Variants in ZSCAN30 observed in about 807,000 individuals in gnomAD.
The protein encoded by ZSCAN30 is zinc finger and SCAN domain-containing protein 30.
ZSCAN30 carries 37 observed loss-of-function variants against 44.3 expected under a neutral mutation model. The observed-to-expected ratio is 0.84, with a 90% CI of 0.64 to 1.10. ZSCAN30 has a LOEUF of 1.10. Ranked by LOEUF, ZSCAN30 falls within the 50% of genes least tolerant of loss-of-function variation. ZSCAN30 has a pLI of 0.00. For missense variants in ZSCAN30, 549 were observed against 582.6 expected (o/e 0.94, Z 0.59); for synonymous variants, 181 against 204.6 (o/e 0.88, Z 0.98).
At chr18:35,263,264 G>GA in intron 3 of ZSCAN30, 1 of 446,080 alleles carries the variant, frequency 2.2e-6, no homozygotes, top group East Asian at 3.6e-5. Flanking sequence ...AAAGAAAAAA[G>GA]AAAAAGAAAA....
chr18:35,276,666 G>C (rs1335205734), intron 1 of ZSCAN30, among the ~76,000 whole-genome samples: 2 of 152,228 alleles, frequency 1.3e-5, no homozygotes, highest in East Asian at 3.8e-4. Context: ...CCTCTGCCTA[G>C]ATTTCAGAGG....
chr18:35,263,432 C>G (rs2044071958), intron 3 of ZSCAN30, 81 bp downstream of exon 3: 5 of 1,562,906 alleles, frequency 3.2e-6, no homozygotes, highest in Non-Finnish European at 4.4e-6. Context: ...CCACAAGTGG[C>G]TGTCGTTAAG....
intron 1 of ZSCAN30, among the ~76,000 whole-genome samples, chr18:35,286,366 C>T (rs116960684): frequency 0.012 from 1,777 of 152,094 alleles, 18 homozygotes; most frequent in Non-Finnish European, 0.015. Context: ...AACTAGACAA[C>T]GACATTACAA....
At chr18:35,254,529 A>G in intron 3 of ZSCAN30, 148 bp from the exon 4 acceptor site, 1 of 1,499,190 alleles carries the variant, frequency 6.7e-7, no homozygotes, top group South Asian at 1.2e-5. Context: ...AATTCAGAGA[A>G]GTGGCCTGGG....
At position 35,263,493 on chromosome 18, in the gene ZSCAN30, C is replaced by G. The variant is rs1391281119; in HGVS notation, c.553+20G>C. 4.3e-6 allele frequency: 7 copies of G among 1,614,014 alleles called. No individual in the cohort carries two copies. Among genetic ancestry groups the G allele is most frequent in the Non-Finnish European group, 5.9e-6 (7 of 1,179,980 alleles). ...GCTCTCACCTCCATCCTCAACCCCA[C>G]ATGGACTGGGGCTTCTCACCTCTCT... On this transcript the variant is annotated intron_variant, in intron 3 of 3. Coordinates refer to ENST00000333206, the MANE Select transcript of ZSCAN30 (RefSeq NM_001112734.4).
chr18:35,271,863 G>A (rs959215364), intron 1 of ZSCAN30, among the ~76,000 whole-genome samples: 17 of 152,174 alleles, frequency 1.1e-4, no homozygotes, highest in African/African-American at 4.1e-4. Context: ...GTGGGACCCC[G>A]CGCCCCCTCC....
intron 1 of ZSCAN30, chr18:35,281,304 T>C (rs781733217): frequency 6.6e-6 from 1 of 152,194 alleles, no homozygotes; most frequent in Non-Finnish European, 1.5e-5. Flanking sequence ...ACTTCTTCAG[T>C]GTCAGCTGAT....
At position 35,253,906 on chromosome 18, in the gene ZSCAN30, G is replaced by A. The variant is rs1351455329; in HGVS notation, c.1029C>T (p.Asp343=). The A allele has an allele frequency of 8.7e-6, 14 of 1,613,908 alleles. No homozygotes were observed. Among genetic ancestry groups the A allele is most frequent in the Non-Finnish European group, 1.2e-5 (14 of 1,180,012 alleles). The change falls in exon 4 of 4, where the codon GAC becomes GAT. Residue 343 remains aspartate, a synonymous_variant. Coordinates refer to ENST00000333206, the MANE Select transcript of ZSCAN30 (RefSeq NM_001112734.4). ...TATGAATTCTCTGATGTCTAACAAGGTCTGAGCTCAAACTGAAGGCTTTGC... is the reference window on the plus strand; with the variant it reads ...TATGAATTCTCTGATGTCTAACAAGATCTGAGCTCAAACTGAAGGCTTTGC... The part of the protein sequence containing the change: ...ECGKAFSLSS[D]LVRHQRIHSG...
At chr18:35,267,072 G>C (rs899906920) in intron 1 of ZSCAN30, 2 of 152,766 alleles carry the variant, frequency 1.3e-5, no homozygotes, top group Non-Finnish European at 2.9e-5. Flanking sequence ...TTGAGTCCAG[G>C]AGTTTGAGAC....
chr18:35,289,292 T>A lies in ZSCAN30; in HGVS notation c.-104+792A>T, dbSNP rs566216679. ...CTGGCCAAAAAGAAAGCTGTTTTTT[T>A]AAAACTATCTGCACTCCCTACTTGG... On this transcript the variant is annotated intron_variant, in intron 1 of 3. Transcript: ENST00000333206. 5 of 152,254 alleles carry A rather than the reference T, an allele frequency of 3.3e-5. No homozygotes were observed. In the East Asian group the frequency reaches 9.7e-4, roughly 29 times the overall value. The allele number at this position is 152,254 out of a possible 1,614,324, so 9.4% of individuals were successfully genotyped here.
chr18:35,273,089 T>C (rs914990997), intron 1 of ZSCAN30, among the ~76,000 whole-genome samples: 5 of 152,228 alleles, frequency 3.3e-5, no homozygotes, highest in African/African-American at 1.2e-4. Context: ...TCAACTTCAG[T>C]GGCATTAAGT....
chr18:35,277,607 C>T (rs188612358), intron 1 of ZSCAN30, among the ~76,000 whole-genome samples: 1 of 152,288 alleles, frequency 6.6e-6, no homozygotes, highest in East Asian at 1.9e-4. Flanking sequence ...TCCCCTTCTG[C>T]CATGATTGTA....
chr18:35,286,139 T>G (rs550746636), intron 1 of ZSCAN30, among the ~76,000 whole-genome samples: 1 of 152,274 alleles, frequency 6.6e-6, no homozygotes, highest in East Asian at 1.9e-4. Flanking sequence ...CTATAAGAAA[T>G]ATATAACCTG....
At chr18:35,271,755 G>T (rs1405251033) in intron 1 of ZSCAN30, among the ~76,000 whole-genome samples, 1 of 152,232 alleles carries the variant, frequency 6.6e-6, no homozygotes, top group Non-Finnish European at 1.5e-5. Flanking sequence ...TGCGGGGAGG[G>T]GGGGCGCTTG....
intron 1 of ZSCAN30, chr18:35,282,546 G>A (rs1598654395): frequency 6.6e-6 from 1 of 152,206 alleles, no homozygotes; most frequent in South Asian, 2.1e-4. Context: ...CAATTTTTGG[G>A]AGATGTGTAA....
intron 1 of ZSCAN30, among the ~76,000 whole-genome samples, chr18:35,270,516 A>C (rs570386974): frequency 2.0e-5 from 3 of 152,242 alleles, no homozygotes; most frequent in Non-Finnish European, 2.9e-5. Context: ...ATATTCCTTG[A>C]GTTCTCAATT....
rs1217982130 is a variant in ZSCAN30, at chr18:35,251,882, A to G, written c.*1568T>C. On this transcript the variant is annotated 3_prime_UTR_variant, in exon 4 of 4. Transcript: ENST00000333206. Reference sequence around the variant, plus strand: ...GGACTAATACAAGCAGTGATCACCAAGTCTTCTTTAGAAATGACACTACCT... The same window carrying G: ...GGACTAATACAAGCAGTGATCACCAGGTCTTCTTTAGAAATGACACTACCT... 2.0e-5 allele frequency: 3 copies of G among 152,070 alleles called. No individual in the cohort carries two copies. In the East Asian group the frequency reaches 5.8e-4, roughly 29 times the overall value. 9.4% of individuals were successfully genotyped at this position (152,070 alleles called of 1,614,324 possible). A position where few individuals can be genotyped will look rare whatever the true frequency, so the allele number is the denominator to read the frequency against.
chr18:35,267,895 C>G (rs979940285), intron 1 of ZSCAN30: 3 of 151,888 alleles, frequency 2.0e-5, no homozygotes, highest in Non-Finnish European at 4.4e-5. Context: ...GTGCTGACTG[C>G]GAAGACGACA....
At position 35,254,440 on chromosome 18, in the gene ZSCAN30, T is replaced by C. The variant is rs750064167; in HGVS notation, c.554-59A>G. ...TACTTCCCATGACAGAAGAAACTGT[T>C]GTAGCAGGAACACAAACTCAATGAA... is the stretch of plus-strand genomic sequence containing the variant. On this transcript the variant is annotated intron_variant, in intron 3 of 3. Transcript: ENST00000333206. The C allele has an allele frequency of 2.5e-6, 4 of 1,612,222 alleles. No homozygotes were observed. In the East Asian group the frequency reaches 8.9e-5, roughly 36 times the overall value.
Sources: allele counts gnomAD v4.1 joint callset (sites outside exome capture counted in the v4.1 genomes callset), GRCh38; gene constraint gnomAD v4.1.1; transcripts MANE v1.5; gene names NCBI Gene and HGNC (gene_info 2026-07-23, HGNC 2026-07-21).